MTDH: variants seen among roughly 807,000 people sequenced by gnomAD.
MTDH encodes the protein protein LYRIC.
A neutral mutation model predicts 72.7 loss-of-function variants in MTDH; 34 were observed. That is an observed-to-expected ratio of 0.47 (90% CI 0.36 to 0.62). The LOEUF (loss-of-function observed/expected upper bound fraction) is 0.62, where lower values mean the gene tolerates loss of function less well. Among genes scored for constraint, MTDH ranks in the 20% least tolerant of loss-of-function variants. The pLI is 0.00. For missense variants in MTDH, 677 were observed against 699.4 expected (o/e 0.97, Z 0.36); for synonymous variants, 266 against 268.9 (o/e 0.99, Z 0.10).
chr8:97,685,563 C>A (rs1191944331), intron 2 of MTDH, among the ~76,000 whole-genome samples: 1 of 151,826 alleles, frequency 6.6e-6, no homozygotes, highest in Non-Finnish European at 1.5e-5. Flanking sequence ...AGTTTGAGAC[C>A]AGCCTGGCCA....
chr8:97,647,530 A>G (rs1453176226), intron 1 of MTDH, among the ~76,000 whole-genome samples: 1 of 152,072 alleles, frequency 6.6e-6, no homozygotes, highest in Non-Finnish European at 1.5e-5. Flanking sequence ...CCCTGTCTAA[A>G]AAAAGGGGGG....
intron 1 of MTDH, among the ~76,000 whole-genome samples, chr8:97,647,652 GA>G (rs1811617087): frequency 6.6e-6 from 1 of 152,198 alleles, no homozygotes; most frequent in Non-Finnish European, 1.5e-5. Flanking sequence ...CTCTAAACTT[GA>G]GTAAGGCATT....
At chr8:97,650,595 T>G (rs567815407) in intron 1 of MTDH, among the ~76,000 whole-genome samples, 23 of 152,310 alleles carry the variant, frequency 1.5e-4, no homozygotes, top group African/African-American at 5.5e-4. Flanking sequence ...AATTTCCACC[T>G]GTCCTTCAAG....
chr8:97,707,717 G>C (rs185439666), intron 8 of MTDH, among the ~76,000 whole-genome samples: 1 of 152,150 alleles, frequency 6.6e-6, no homozygotes, highest in East Asian at 1.9e-4. Flanking sequence ...TAGCATGTCT[G>C]TCAATACAAA....
intron 2 of MTDH, among the ~76,000 whole-genome samples, chr8:97,682,245 TATATATATA>T: frequency 8.2e-5 from 1 of 12,138 alleles, no homozygotes; most frequent in East Asian, 1.1e-3. Flanking sequence ...TATATATATA[TATATATATA>T]TATATATATA....
At chr8:97,708,228 G>GTGCTGGGATTACA (rs1563562580) in intron 8 of MTDH, among the ~76,000 whole-genome samples, 1 of 140,862 alleles carries the variant, frequency 7.1e-6, no homozygotes, top group African/African-American at 2.7e-5. Flanking sequence ...GCCTCCCAAA[G>GTGCTGGGATTACA]TGCTGGGATT....
At chr8:97,686,645 G>T in intron 2 of MTDH, 23 bp from the exon 3 acceptor site, 2 of 1,450,926 alleles carry the variant, frequency 1.4e-6, no homozygotes, top group Non-Finnish European at 1.9e-6. Context: ...AAAATATTAA[G>T]TAACATTCTA....
intron 10 of MTDH, among the ~76,000 whole-genome samples, chr8:97,722,386 A>G (rs55642567): frequency 0.044 from 6,703 of 152,128 alleles, 204 homozygotes; most frequent in Non-Finnish European, 0.066. Context: ...CGGATCACGA[A>G]GTCAAGAGAT....
chr8:97,654,496 G>A (rs1479315470), intron 1 of MTDH, among the ~76,000 whole-genome samples: 2 of 151,670 alleles, frequency 1.3e-5, no homozygotes, highest in East Asian at 1.9e-4. Flanking sequence ...CTGTCTTATA[G>A]TCTAACTTAT....
chr8:97,715,482 C>T (rs1814827900), intron 9 of MTDH, among the ~76,000 whole-genome samples: 1 of 152,172 alleles, frequency 6.6e-6, no homozygotes, highest in African/African-American at 2.4e-5. Context: ...AATATGTATT[C>T]AGTTATTTTT....
intron 10 of MTDH, among the ~76,000 whole-genome samples, chr8:97,720,633 A>T (rs1815079800): frequency 7.0e-6 from 1 of 143,852 alleles, no homozygotes; most frequent in Non-Finnish European, 1.5e-5. Context: ...TAAATAGCAA[A>T]GGGTCTATTT....
intron 9 of MTDH, among the ~76,000 whole-genome samples, chr8:97,718,504 T>G (rs1219512759): frequency 1.4e-5 from 2 of 140,434 alleles, no homozygotes; most frequent in Admixed American, 7.2e-5. Context: ...GGTTTTTTTT[T>G]GTTTTTGTTT....
At chr8:97,653,420 C>G (rs200965449) in intron 1 of MTDH, among the ~76,000 whole-genome samples, 1 of 152,156 alleles carries the variant, frequency 6.6e-6, no homozygotes, top group African/African-American at 2.4e-5. Flanking sequence ...TTTAAAATTT[C>G]GAGTCAGAAG....
chr8:97,716,438 C>G (rs1268869762), intron 9 of MTDH, among the ~76,000 whole-genome samples: 1 of 151,546 alleles, frequency 6.6e-6, no homozygotes, highest in African/African-American at 2.4e-5. Flanking sequence ...TGCCTGTAAT[C>G]CCAGCACCTG....
chr8:97,680,197 C>T (rs1033218829), intron 2 of MTDH, among the ~76,000 whole-genome samples: 2 of 152,060 alleles, frequency 1.3e-5, no homozygotes, highest in African/African-American at 4.8e-5. Context: ...CTCAGTCTGC[C>T]GAGTAGCTAG....
intron 6 of MTDH, among the ~76,000 whole-genome samples, chr8:97,698,510 G>A (rs1050614357): frequency 5.3e-5 from 8 of 152,088 alleles, no homozygotes; most frequent in South Asian, 2.1e-4. Context: ...ACTCTCACCC[G>A]ACCTACTACC....
chr8:97,689,785 G>A (rs1022851035), intron 5 of MTDH, among the ~76,000 whole-genome samples: 6 of 147,202 alleles, frequency 4.1e-5, no homozygotes, highest in Middle Eastern at 3.5e-3. Flanking sequence ...TTGGCTCACT[G>A]CAACCTCCAC....
intron 2 of MTDH, among the ~76,000 whole-genome samples, chr8:97,671,120 C>A (rs568297498): frequency 6.6e-6 from 1 of 151,996 alleles, no homozygotes; most frequent in Non-Finnish European, 1.5e-5. Flanking sequence ...CGCCCACCAC[C>A]GCGCCCGGCT....
intron 11 of MTDH, among the ~76,000 whole-genome samples, chr8:97,723,665 C>T (rs1450226248): frequency 1.3e-5 from 2 of 150,908 alleles, no homozygotes; most frequent in African/African-American, 2.4e-5. Flanking sequence ...ATGGCGTGAA[C>T]CCGGGAGGCG....
Sources: allele counts gnomAD v4.1 joint callset (sites outside exome capture counted in the v4.1 genomes callset), GRCh38; gene constraint gnomAD v4.1.1; transcripts MANE v1.5; gene names NCBI Gene and HGNC (gene_info 2026-07-23, HGNC 2026-07-21).